The following PTPRE variants were observed in gnomAD, a reference collection of about 807,000 sequenced individuals.
PTPRE encodes the protein protein tyrosine phosphatase receptor type E, also known as receptor-type tyrosine-protein phosphatase epsilon.
A neutral mutation model predicts 102.0 loss-of-function variants in PTPRE; 51 were observed. That is an observed-to-expected ratio of 0.50 (90% CI 0.40 to 0.63). The LOEUF is 0.63. PTPRE is among the 30% of genes least tolerant of loss of function. The pLI is 0.00. For synonymous variants in PTPRE, 345 were observed against 348.2 expected (o/e 0.99, Z 0.10); for missense variants, 752 against 915.1 (o/e 0.82, Z 2.30).
rs778430199 is a variant in PTPRE, at chr10:128,070,917, CGT to C, written c.1387+18_1387+19del. On this transcript the variant is annotated intron_variant, in intron 15 of 20. Transcript: ENST00000254667. This position sits in a 1 kb window ranked among gnomAD's most constrained non-coding sequence, Gnocchi z 4.8. ...ATCATCCCGTGTAAGGCACCCGTGG[CGT>C]GGCTTGGGCAGGGCTGGGGCGGGGC... 471 of 1,607,900 alleles carry C rather than the reference CGT, an allele frequency of 2.9e-4. 1 individual carries two copies. Among genetic ancestry groups the C allele is most frequent in the Middle Eastern group, 5.0e-4 (3 of 6,018 alleles).
intron 7 of PTPRE, among the ~76,000 whole-genome samples, chr10:128,059,395 C>T (rs34653593): frequency 0.11 from 16,228 of 152,212 alleles, 1,205 homozygotes; most frequent in South Asian, 0.18. Flanking sequence ...CATCGGAGGT[C>T]GCAGGCCACC....
At position 127,944,460 on chromosome 10, in the gene PTPRE, A is replaced by G. The variant is rs1190956100; in HGVS notation, c.-31+37151A>G. ...GATGGATGGACAGATGGATGGATACATGGACAGACGGATGGATGGATGGAT... is the reference window on the plus strand; with the variant it reads ...GATGGATGGACAGATGGATGGATACGTGGACAGACGGATGGATGGATGGAT... On this transcript the variant is annotated intron_variant, in intron 1 of 20. Transcript: ENST00000254667. This position sits in a 1 kb window ranked among gnomAD's most constrained non-coding sequence, Gnocchi z 4.2. 6.8e-6 allele frequency among the ~76,000 whole-genome samples: 1 copy of G among 146,966 alleles called. No individual in the cohort carries two copies. The highest frequency in any genetic ancestry group is 6.9e-5 in the Admixed American group (1 of 14,406).
chr10:128,057,528 A>G (rs1388420076), intron 7 of PTPRE, among the ~76,000 whole-genome samples: 1 of 152,136 alleles, frequency 6.6e-6, no homozygotes, highest in African/African-American at 2.4e-5. Context: ...CAGAGCAGCT[A>G]TGGTCTGTCC....
chr10:127,908,644 G>T (rs71474228), intron 1 of PTPRE, among the ~76,000 whole-genome samples: 1 of 152,138 alleles, frequency 6.6e-6, no homozygotes, highest in Admixed American at 6.5e-5. Context: ...GGGAGCAAAA[G>T]GTCAGAGGCG....
intron 7 of PTPRE, among the ~76,000 whole-genome samples, chr10:128,057,267 T>G (rs576193030): frequency 6.3e-4 from 95 of 151,868 alleles, no homozygotes; most frequent in African/African-American, 2.2e-3. Flanking sequence ...GGCGTGCAGT[T>G]GGGGATCCTT....
At chr10:127,960,580 T>C (rs562672115) in intron 1 of PTPRE, among the ~76,000 whole-genome samples, 1 of 152,284 alleles carries the variant, frequency 6.6e-6, no homozygotes, top group East Asian at 1.9e-4. Context: ...CCTGAGCACT[T>C]GGGCTGCTCC....
At chr10:128,029,966 C>A (rs116067053) in intron 2 of PTPRE, among the ~76,000 whole-genome samples, 1,531 of 152,318 alleles carry the variant, frequency 0.01, 32 homozygotes, top group African/African-American at 0.035. Flanking sequence ...TATCTCCATC[C>A]CCCCACCAAT....
chr10:127,974,887 C>G (rs1245278685), intron 1 of PTPRE, among the ~76,000 whole-genome samples: 1 of 152,144 alleles, frequency 6.6e-6, no homozygotes, highest in Non-Finnish European at 1.5e-5. Context: ...TGGATCATAC[C>G]TCCCCACCTC....
chr10:128,071,974 A>C, intron 15 of PTPRE, 164 bp from the exon 16 acceptor site: 1 of 569,154 alleles, frequency 1.8e-6, no homozygotes, highest in Admixed American at 3.3e-5. Flanking sequence ...AATACCCCTG[A>C]GCCACTTTAA....
chr10:128,015,425 G>A (rs563485419), intron 2 of PTPRE, among the ~76,000 whole-genome samples: 7 of 152,106 alleles, frequency 4.6e-5, no homozygotes, highest in African/African-American at 1.7e-4. Context: ...GAAGTGCAGT[G>A]GCGTGATCTC....
intron 1 of PTPRE, among the ~76,000 whole-genome samples, chr10:127,961,282 G>T (rs952977504): frequency 6.6e-6 from 1 of 152,174 alleles, no homozygotes; most frequent in Non-Finnish European, 1.5e-5. Flanking sequence ...ATGGTTGTTG[G>T]TGACAGCGTC....
intron 2 of PTPRE, among the ~76,000 whole-genome samples, chr10:127,984,506 C>G (rs1055312024): frequency 2.6e-5 from 4 of 152,188 alleles, no homozygotes; most frequent in Non-Finnish European, 5.9e-5. Flanking sequence ...AAGCCTGGGT[C>G]TCCTATCTGT....
chr10:127,943,788 C>T (rs1159980237), intron 1 of PTPRE, among the ~76,000 whole-genome samples: 1 of 152,188 alleles, frequency 6.6e-6, no homozygotes, highest in African/African-American at 2.4e-5. Context: ...TTCCCAGCCT[C>T]ACATTTGCTA....
chr10:127,983,730 T>A (rs1851829938), intron 2 of PTPRE, among the ~76,000 whole-genome samples: 1 of 152,164 alleles, frequency 6.6e-6, no homozygotes, highest in Admixed American at 6.5e-5. Flanking sequence ...ACCCCTTGTC[T>A]CTCCACTCAG....
intron 1 of PTPRE, among the ~76,000 whole-genome samples, chr10:127,938,134 C>T (rs921220746): frequency 6.6e-6 from 1 of 152,170 alleles, no homozygotes; most frequent in African/African-American, 2.4e-5. Context: ...TGTGGAAAAT[C>T]TCTTGTGTAC....
chr10:128,079,894 T>G (rs1264709035), intron 20 of PTPRE, among the ~76,000 whole-genome samples, 199 bp downstream of exon 20: 1 of 152,202 alleles, frequency 6.6e-6, no homozygotes. Context: ...GGGTGTCTTC[T>G]GGGCAAGACC....
intron 1 of PTPRE, among the ~76,000 whole-genome samples, chr10:127,960,573 G>T (rs1849717312): frequency 6.6e-6 from 1 of 152,130 alleles, no homozygotes; most frequent in Non-Finnish European, 1.5e-5. Flanking sequence ...CTGTGAGCCT[G>T]AGCACTTGGG....
At chr10:128,036,496 T>C (rs113890722) in intron 2 of PTPRE, among the ~76,000 whole-genome samples, 5 of 152,216 alleles carry the variant, frequency 3.3e-5, no homozygotes, top group African/African-American at 1.2e-4. Context: ...TCCCGCTTCA[T>C]AGGAGCCCAG....
chr10:128,002,638 A>G (rs1024089087), intron 2 of PTPRE, among the ~76,000 whole-genome samples: 1 of 144,838 alleles, frequency 6.9e-6, no homozygotes, highest in African/African-American at 2.6e-5. Flanking sequence ...GATCTGATGA[A>G]TGATGCAATG....
Sources: gnomAD v4.1 joint callset for allele counts (sites outside exome capture counted in the v4.1 genomes callset) on GRCh38, gnomAD v4.1.1 for gene constraint, Gnocchi (gnomAD v3.1) non-coding constraint, MANE v1.5 for transcripts, NCBI Gene and HGNC (gene_info 2026-07-23, HGNC 2026-07-21) for gene names.